Variants in ADAMTS2 observed in about 807,000 individuals in gnomAD.
ADAMTS2 encodes A disintegrin and metalloproteinase with thrombospondin motifs 2.
A neutral mutation model predicts 123.0 loss-of-function variants in ADAMTS2; 50 were observed. The observed-to-expected ratio is 0.41, with a 90% CI of 0.32 to 0.51. The LOEUF (loss-of-function observed/expected upper bound fraction) is 0.51. Ranked by LOEUF, ADAMTS2 falls within the 20% of genes least tolerant of loss-of-function variation. The probability of loss-of-function intolerance (pLI) is 0.35; values close to 1 mark genes in which losing one functional copy is unlikely to be tolerated. For synonymous variants in ADAMTS2, 678 were observed against 695.4 expected (o/e 0.98, Z 0.39); for missense variants, 1,494 against 1,705.2 (o/e 0.88, Z 2.18).
Position 179,115,729 on chromosome 5 carries a change from G to A in ADAMTS2, c.3179-1405C>T, listed in dbSNP as rs911623434. ...GAGAAAGGGAGGGAGAAAGGCTCAG[G>A]CATTGGATGGGAGCCACATCTGACA... On this transcript the variant is annotated intron_variant, in intron 21 of 21. Transcript: ENST00000251582. The surrounding 1 kb of genome is among the most constrained non-coding windows in gnomAD (Gnocchi z 4.4). 1.1e-4 allele frequency among the ~76,000 whole-genome samples: 16 copies of A among 151,284 alleles called. No individual in the cohort carries two copies. Among genetic ancestry groups the A allele is most frequent in the Admixed American group, 9.8e-4 (15 of 15,250 alleles).
chr5:179,200,288 G>T (rs191786875), intron 4 of ADAMTS2, among the ~76,000 whole-genome samples: 3 of 121,316 alleles, frequency 2.5e-5, no homozygotes, highest in Non-Finnish European at 4.7e-5. Context: ...TCACTCTGTC[G>T]CCCAGACTGG....
At chr5:179,339,646 G>A (rs1376621501) in intron 2 of ADAMTS2, among the ~76,000 whole-genome samples, 2 of 152,098 alleles carry the variant, frequency 1.3e-5, no homozygotes, top group Non-Finnish European at 2.9e-5. Context: ...GGGGAGCCCC[G>A]ACACCCTAGG....
chr5:179,153,363 C>A (rs1763401561), intron 9 of ADAMTS2, 128 bp downstream of exon 9: 4 of 1,420,602 alleles, frequency 2.8e-6, no homozygotes, highest in Non-Finnish European at 2.9e-6. Flanking sequence ...GGACAGGCTG[C>A]CACTCTGGAG....
At position 179,307,469 on chromosome 5, in the gene ADAMTS2, C is replaced by G; in HGVS notation, c.535-34405G>C. Among the ~76,000 whole-genome samples the G allele has an allele frequency of 6.6e-6, 1 of 152,298 alleles. No individual in the cohort carries two copies. Among genetic ancestry groups the G allele is most frequent in the East Asian group, 1.9e-4 (1 of 5,172 alleles). ...CAGGGGCTTCCCGGGTCATGCTGCA[C>G]CATCCACTAATAGCACCATCACGTA... On this transcript the variant is annotated intron_variant, in intron 2 of 21. Transcript: ENST00000251582. The surrounding 1 kb of genome is among the most constrained non-coding windows in gnomAD (Gnocchi z 5.6).
At chr5:179,151,970 A>G (rs1358907308) in intron 10 of ADAMTS2, among the ~76,000 whole-genome samples, 172 bp downstream of exon 10, 1 of 152,156 alleles carries the variant, frequency 6.6e-6, no homozygotes, top group Non-Finnish European at 1.5e-5. Flanking sequence ...GGGTGGAGGC[A>G]GCTCCGGCGT....
intron 20 of ADAMTS2, 117 bp downstream of exon 20, chr5:179,122,527 G>A (rs906861087): frequency 7.8e-6 from 11 of 1,416,696 alleles, no homozygotes; most frequent in Non-Finnish European, 1.0e-5. Flanking sequence ...CATGCTCACA[G>A]ATGTTGAGTC....
chr5:179,251,483 C>A (rs527777300), intron 3 of ADAMTS2, among the ~76,000 whole-genome samples: 2 of 152,178 alleles, frequency 1.3e-5, no homozygotes, highest in Admixed American at 6.5e-5. Flanking sequence ...AAACCAGCAG[C>A]CCCCCACCCC....
intron 2 of ADAMTS2, among the ~76,000 whole-genome samples, chr5:179,331,108 G>A (rs1369518154): frequency 1.3e-5 from 2 of 151,524 alleles, no homozygotes; most frequent in East Asian, 2.0e-4. Context: ...GGGATGGCTC[G>A]TTGTTGGTTC....
At chr5:179,321,115 C>A (rs1757160083) in intron 2 of ADAMTS2, among the ~76,000 whole-genome samples, 1 of 152,094 alleles carries the variant, frequency 6.6e-6, no homozygotes, top group African/African-American at 2.4e-5. Flanking sequence ...GGATTTCCAA[C>A]ACTTGAGGAA....
intron 3 of ADAMTS2, among the ~76,000 whole-genome samples, chr5:179,237,451 A>G (rs1011480480): frequency 6.6e-6 from 1 of 152,154 alleles, no homozygotes; most frequent in Non-Finnish European, 1.5e-5. Flanking sequence ...AACCATGAGA[A>G]AGAAATAAAC....
At chr5:179,221,953 T>C (rs1765137082) in intron 3 of ADAMTS2, among the ~76,000 whole-genome samples, 1 of 152,162 alleles carries the variant, frequency 6.6e-6, no homozygotes, top group Non-Finnish European at 1.5e-5. Context: ...CGCCTGGCTG[T>C]GGGATCTTCT....
Position 179,181,747 on chromosome 5 carries a change from G to A in ADAMTS2, c.892-592C>T, listed in dbSNP as rs1764053449. On this transcript the variant is annotated intron_variant, in intron 4 of 21. Coordinates refer to ENST00000251582, the MANE Select transcript of ADAMTS2 (RefSeq NM_014244.5). This position sits in a 1 kb window ranked among gnomAD's most constrained non-coding sequence, Gnocchi z 4.1. ...TGGAGCTCCTGCAGTCGCCGTCTCT[G>A]TATTTATCACAATCATATTCTTACA... Among the ~76,000 whole-genome samples the A allele has an allele frequency of 6.6e-6, 1 of 152,190 alleles. No individual in the cohort carries two copies. The highest frequency in any genetic ancestry group is 1.5e-5 in the Non-Finnish European group (1 of 68,038).
chr5:179,229,946 G>A lies in ADAMTS2; in HGVS notation c.689-22231C>T, dbSNP rs538585823. Among the ~76,000 whole-genome samples, 6 of 152,260 alleles carry A rather than the reference G, an allele frequency of 3.9e-5. No individual in the cohort carries two copies. In the South Asian group the frequency reaches 1.0e-3, roughly 26 times the overall value. ...CCCTCCTTGGTTCTAATTTAATTTT[G>A]TGACCTTTTCTCTCGACATCCTGAC... On this transcript the variant is annotated intron_variant, in intron 3 of 21. Coordinates refer to ENST00000251582, the MANE Select transcript of ADAMTS2 (RefSeq NM_014244.5).
At chr5:179,168,409 C>T (rs888907976) in intron 5 of ADAMTS2, among the ~76,000 whole-genome samples, 2 of 152,168 alleles carry the variant, frequency 1.3e-5, no homozygotes, top group African/African-American at 4.8e-5. Flanking sequence ...GTGGCTCCAC[C>T]AGCGTGTGGC....
intron 3 of ADAMTS2, among the ~76,000 whole-genome samples, chr5:179,237,145 C>T (rs1378496701): frequency 6.6e-6 from 1 of 152,166 alleles, no homozygotes; most frequent in South Asian, 2.1e-4. Flanking sequence ...CATCTCTAGC[C>T]CCAGCTACGT....
chr5:179,121,936 G>GGGGTCTCAGCT (rs1253294234), intron 20 of ADAMTS2, 186 bp from the exon 21 acceptor site: 3 of 450,486 alleles, frequency 6.7e-6, no homozygotes, highest in Non-Finnish European at 1.2e-5. Context: ...GACAGCAGCC[G>GGGGTCTCAGCT]GGGTCTCAGC....
chr5:179,192,305 C>T (rs915560630), intron 4 of ADAMTS2, among the ~76,000 whole-genome samples: 5 of 152,232 alleles, frequency 3.3e-5, no homozygotes, highest in South Asian at 2.1e-4. Context: ...CGGCAAGGGT[C>T]GTCTGCTGCC....
intron 2 of ADAMTS2, among the ~76,000 whole-genome samples, chr5:179,304,440 T>A (rs114285753): frequency 6.6e-6 from 1 of 152,100 alleles, no homozygotes; most frequent in Non-Finnish European, 1.5e-5. Context: ...AAATACTCCA[T>A]AAAGTAAGGG....
chr5:179,318,795 G>A (rs1034731527), intron 2 of ADAMTS2, among the ~76,000 whole-genome samples: 5 of 151,736 alleles, frequency 3.3e-5, no homozygotes, highest in African/African-American at 9.7e-5. Flanking sequence ...GCGTTGAGAC[G>A]TTGGGGCCTG....
Sources: gnomAD v4.1 joint callset for allele counts (sites outside exome capture counted in the v4.1 genomes callset) on GRCh38, gnomAD v4.1.1 for gene constraint, Gnocchi (gnomAD v3.1) non-coding constraint, MANE v1.5 for transcripts, NCBI Gene and HGNC (gene_info 2026-07-23, HGNC 2026-07-21) for gene names.